Variants in GPC1 observed in about 807,000 individuals in gnomAD.
GPC1 encodes the protein glypican 1, also known as glypican-1.
In GPC1, 26 loss-of-function variants were observed where a neutral mutation model predicts 51.5. That is an observed-to-expected ratio of 0.50 (90% confidence interval 0.37 to 0.70). GPC1 has a LOEUF of 0.70. Among genes scored for constraint, GPC1 ranks in the 30% least tolerant of loss-of-function variants. GPC1 has a pLI of 0.00. For synonymous variants in GPC1, 380 were observed against 348.3 expected (o/e 1.09, Z -1.01); for missense variants, 775 against 800.5 (o/e 0.97, Z 0.38).
intron 1 of GPC1, chr2:240,451,328 C>A: frequency 2.2e-6 from 1 of 459,626 alleles, no homozygotes; most frequent in South Asian, 1.6e-5. Flanking sequence ...TTCTAGCGTG[C>A]CCCCTGTGGG....
intron 1 of GPC1, chr2:240,453,024 G>A (rs756903354): frequency 1.1e-4 from 39 of 348,626 alleles, no homozygotes; most frequent in Middle Eastern, 9.0e-4. Flanking sequence ...TGCGAAGGGG[G>A]TCCCGCGTCC....
chr2:240,442,831 G>A (rs745708163), intron 1 of GPC1, among the ~76,000 whole-genome samples: 4 of 152,256 alleles, frequency 2.6e-5, no homozygotes, highest in African/African-American at 4.8e-5. Flanking sequence ...GCACTGGGCC[G>A]TGTTTCTGTA....
intron 1 of GPC1, chr2:240,457,987 C>T (rs1285400300): frequency 1.1e-5 from 5 of 466,076 alleles, no homozygotes; most frequent in Non-Finnish European, 2.2e-5. Context: ...TAGGCCAGCA[C>T]CAGGAGGGCC....
At chr2:240,453,103 G>A (rs1302944507) in intron 1 of GPC1, 2 of 289,034 alleles carry the variant, frequency 6.9e-6, no homozygotes, top group Non-Finnish European at 6.8e-6. Flanking sequence ...CCGCAGGCGC[G>A]CCACCCCCAT....
At chr2:240,445,961 T>C (rs1430204374) in intron 1 of GPC1, among the ~76,000 whole-genome samples, 2 of 152,240 alleles carry the variant, frequency 1.3e-5, no homozygotes, top group African/African-American at 4.8e-5. Flanking sequence ...TGGTAACTGC[T>C]GTGTGATGAG....
intron 1 of GPC1, chr2:240,456,558 C>A (rs1056302617): frequency 8.6e-6 from 4 of 466,882 alleles, no homozygotes; most frequent in African/African-American, 6.0e-5. Flanking sequence ...GCCACCCCCT[C>A]CCCCAGGCAC....
At position 240,435,805 on chromosome 2, in the gene GPC1, G is replaced by T; in HGVS notation, c.-114G>T. ...TCGGCCGCCGCCGCCTCTGGACCGC[G>T]AGCCGCGCGCGCCGGGACCTTGGCT... On this transcript the variant is annotated 5_prime_UTR_variant, in exon 1 of 9. Coordinates refer to ENST00000264039, the MANE Select transcript of GPC1 (RefSeq NM_002081.3). The T allele has an allele frequency of 1.5e-6, 1 of 681,434 alleles. No individual in the cohort carries two copies. Among genetic ancestry groups the T allele is most frequent in the South Asian group, 7.1e-5 (1 of 14,148 alleles). The allele number at this position is 681,434 out of a possible 1,614,324, so 42.2% of individuals were successfully genotyped here. A position where few individuals can be genotyped will look rare whatever the true frequency, so the allele number is the denominator to read the frequency against.
At chr2:240,444,167 C>T (rs1226652217) in intron 1 of GPC1, among the ~76,000 whole-genome samples, 2 of 152,188 alleles carry the variant, frequency 1.3e-5, no homozygotes, top group Non-Finnish European at 2.9e-5. Flanking sequence ...CGGCCAGCCT[C>T]AGCCCAGCCC....
chr2:240,457,255 C>T (rs1248998735), intron 1 of GPC1, among the ~76,000 whole-genome samples: 1 of 152,156 alleles, frequency 6.6e-6, no homozygotes, highest in African/African-American at 2.4e-5. Flanking sequence ...ACCCCTACCT[C>T]GGCCCTCCCT....
At chr2:240,451,486 C>A in intron 1 of GPC1, 1 of 337,668 alleles carries the variant, frequency 3.0e-6, no homozygotes, top group African/African-American at 2.2e-5. Context: ...TGAATTTCCA[C>A]CCTGCTGGCA....
At position 240,455,977 on chromosome 2, in the gene GPC1, G is replaced by A. The variant is rs755556604; in HGVS notation, c.167-3053G>A. 19 of 424,144 alleles carry A rather than the reference G, an allele frequency of 4.5e-5. 1 individual carries two copies. Among genetic ancestry groups the A allele is most frequent in the South Asian group, 2.0e-4 (12 of 60,080 alleles). The allele number at this position is 424,144 out of a possible 1,614,324, so 26.3% of individuals were successfully genotyped here. Reference sequence around the variant, plus strand: ...GCTCCCAGGCCTTCGCCCGCCTTGCGTCCAGCCTGCCGGGGGCTCCCAGGC... The same window carrying A: ...GCTCCCAGGCCTTCGCCCGCCTTGCATCCAGCCTGCCGGGGGCTCCCAGGC... On this transcript the variant is annotated intron_variant, in intron 1 of 8. Coordinates refer to ENST00000264039, the MANE Select transcript of GPC1 (RefSeq NM_002081.3).
At chr2:240,439,150 C>T (rs1282793825) in intron 1 of GPC1, among the ~76,000 whole-genome samples, 1 of 152,158 alleles carries the variant, frequency 6.6e-6, no homozygotes, top group Admixed American at 6.5e-5. Flanking sequence ...CCCACCTTGG[C>T]ACCTGAGCTC....
chr2:240,456,147 C>T (rs963282474), intron 1 of GPC1: 12 of 255,650 alleles, frequency 4.7e-5, no homozygotes, highest in East Asian at 1.7e-4. Flanking sequence ...GAGGGGTCGG[C>T]GGGGGAGGCT....
chr2:240,463,291 C>CG, intron 3 of GPC1, 56 bp from the exon 4 acceptor site: 1 of 1,528,382 alleles, frequency 6.5e-7, no homozygotes, highest in South Asian at 1.1e-5. Context: ...AGGGGCTGGC[C>CG]GGGGCCAGGC....
At chr2:240,449,783 A>G (rs1474783591) in intron 1 of GPC1, 8 of 464,226 alleles carry the variant, frequency 1.7e-5, no homozygotes, top group South Asian at 1.2e-4. Flanking sequence ...TAGGGACCTC[A>G]CATAAGTCGA....
At chr2:240,436,570 C>T (rs377260781) in intron 1 of GPC1, among the ~76,000 whole-genome samples, 4 of 152,362 alleles carry the variant, frequency 2.6e-5, no homozygotes, top group African/African-American at 9.6e-5. Flanking sequence ...CTGTACAGAC[C>T]TCTCTGGGAG....
At position 240,458,900 on chromosome 2, in the gene GPC1, C is replaced by T. The variant is rs372307129; in HGVS notation, c.167-130C>T. ...ACTTCTGCCTTCACCCAGGGCACCC[C>T]CCAGGCTGGCCCACCCCTGAGCTGT... On this transcript the variant is annotated intron_variant, in intron 1 of 8. Transcript: ENST00000264039. 2,098 of 776,314 alleles carry T rather than the reference C, an allele frequency of 2.7e-3. 19 individuals are homozygous for T. The highest frequency in any genetic ancestry group is 0.013 in the South Asian group (738 of 55,386). The allele number at this position is 776,314 out of a possible 1,614,324, so 48.1% of individuals were successfully genotyped here.
intron 1 of GPC1, 196 bp from the exon 2 acceptor site, chr2:240,458,834 G>A (rs1037065102): frequency 3.3e-5 from 19 of 574,160 alleles, no homozygotes; most frequent in East Asian, 1.2e-4. Flanking sequence ...GGGAAGCTAC[G>A]GGACCGAAGC....
intron 2 of GPC1, among the ~76,000 whole-genome samples, chr2:240,460,059 C>T (rs972283983): frequency 3.9e-5 from 6 of 152,028 alleles, no homozygotes; most frequent in Non-Finnish European, 7.4e-5. Flanking sequence ...TTTGTCTCAG[C>T]GTTCCTGCTT....
Sources: allele counts gnomAD v4.1 joint callset (sites outside exome capture counted in the v4.1 genomes callset), GRCh38; gene constraint gnomAD v4.1.1; transcripts MANE v1.5; gene names NCBI Gene and HGNC (gene_info 2026-07-23, HGNC 2026-07-21).